Variants in LRP2 observed in about 807,000 individuals in gnomAD.
LRP2 encodes LDL receptor related protein 2.
Under a neutral mutation model 531.0 loss-of-function variants are expected in LRP2, and 172 were observed. That is an observed-to-expected ratio of 0.32 (90% CI 0.29 to 0.37). The LOEUF (loss-of-function observed/expected upper bound fraction) is 0.37, where lower values mean the gene tolerates loss of function less well. Ranked by LOEUF, LRP2 falls within the 10% of genes least tolerant of loss-of-function variation. LRP2 has a pLI of 1.00. For missense variants in LRP2, 5,167 were observed against 5,868.3 expected (o/e 0.88, Z 3.90); for synonymous variants, 1,992 against 2,027.6 (o/e 0.98, Z 0.47).
chr2:169,224,861 G>A (rs1574151869), intron 33 of LRP2, among the ~76,000 whole-genome samples: 4 of 152,078 alleles, frequency 2.6e-5, no homozygotes, highest in African/African-American at 7.2e-5. Flanking sequence ...AGGTCAAGGC[G>A]GGTGGATCAC....
intron 27 of LRP2, 34 bp from the exon 28 acceptor site, chr2:169,237,321 G>C: frequency 6.8e-7 from 1 of 1,472,444 alleles, no homozygotes; most frequent in Non-Finnish European, 9.5e-7. Context: ...GTGAATTCTA[G>C]AGCAAATAAA....
intron 1 of LRP2, 29 bp from the exon 2 acceptor site, chr2:169,320,913 C>A: frequency 6.8e-7 from 1 of 1,463,412 alleles, no homozygotes; most frequent in Non-Finnish European, 9.6e-7. Flanking sequence ...ATTTTAAAAA[C>A]TTATGCCATG....
chr2:169,201,705 C>T lies in LRP2; in HGVS notation c.8375G>A (p.Arg2792Lys). The T allele has an allele frequency of 1.2e-6, 2 of 1,614,178 alleles. No homozygotes were observed. The highest frequency in any genetic ancestry group is 8.5e-7 in the Non-Finnish European group (1 of 1,180,026). Residue 2792 changes from arginine to lysine, a missense_variant, in exon 44 of 79, where the codon AGG becomes AAG. Arg to Lys is a conservative substitution (Grantham distance 26). This residue lies in a region of LRP2 where 1,129 missense variants were observed against 1,362.7 expected (regional missense o/e 0.83). Coordinates refer to ENST00000649046, the MANE Select transcript of LRP2 (RefSeq NM_004525.3). ...ATTEFMCNNR[R>K]CIPREFICNG... ...GCAGATAAACTCACGAGGTATGCAC[C>T]TTCTGTTATTGCACATAAACTCCGT...
intron 48 of LRP2, among the ~76,000 whole-genome samples, chr2:169,188,787 T>C (rs1376789875): frequency 6.6e-6 from 1 of 152,182 alleles, no homozygotes; most frequent in Non-Finnish European, 1.5e-5. Context: ...GTGAGTGCTA[T>C]ATATTATAAA....
chr2:169,233,854 A>G (rs1274706434), intron 29 of LRP2, among the ~76,000 whole-genome samples: 2 of 152,216 alleles, frequency 1.3e-5, no homozygotes, highest in Admixed American at 6.5e-5. Context: ...TATTTTACAA[A>G]TGAAAACAAA....
At chr2:169,223,970 C>T (rs1270293220) in intron 33 of LRP2, among the ~76,000 whole-genome samples, 3 of 152,164 alleles carry the variant, frequency 2.0e-5, no homozygotes, top group African/African-American at 4.8e-5. Flanking sequence ...CACCTTTTCC[C>T]TATTTCTTCA....
chr2:169,145,956 G>C (rs756398180), intron 69 of LRP2, 33 bp from the exon 70 acceptor site: 7 of 1,609,924 alleles, frequency 4.3e-6, no homozygotes, highest in African/African-American at 1.3e-5. Context: ...CAAAACAGAA[G>C]GTTATTGAAA....
intron 46 of LRP2, among the ~76,000 whole-genome samples, chr2:169,194,870 C>A (rs549999952): frequency 5.0e-4 from 76 of 152,026 alleles, no homozygotes; most frequent in African/African-American, 1.8e-3. Flanking sequence ...TGCCACCGCG[C>A]CCGGCTAATT....
chr2:169,159,811 T>C (rs1228205909), intron 63 of LRP2, among the ~76,000 whole-genome samples: 1 of 152,178 alleles, frequency 6.6e-6, no homozygotes, highest in Admixed American at 6.5e-5. Flanking sequence ...ATCACTAGAC[T>C]TTGTAATTTC....
rs138572086 is a variant in LRP2, at chr2:169,291,009, A to G, written c.770-12T>C. The G allele has an allele frequency of 5.1e-5, 83 of 1,613,626 alleles. No homozygotes were observed. In the Middle Eastern group the frequency reaches 8.2e-4, roughly 16 times the overall value. On this transcript the variant is annotated splice_polypyrimidine_tract_variant and intron_variant, in intron 7 of 78. Transcript: ENST00000649046. ...ATGAGGACCGCTTTCTGTGGGGGGA[A>G]AAAGAGAGAGTTACAGGCCATAGGG...
intron 48 of LRP2, among the ~76,000 whole-genome samples, chr2:169,188,963 A>G (rs778578497): frequency 6.6e-6 from 1 of 152,206 alleles, no homozygotes. Flanking sequence ...TTAGCATGGC[A>G]TACTGGCAAA....
chr2:169,129,662 C>G (rs1425835002), intron 77 of LRP2, among the ~76,000 whole-genome samples: 1 of 151,980 alleles, frequency 6.6e-6, no homozygotes, highest in Non-Finnish European at 1.5e-5. Flanking sequence ...TTAACAAACC[C>G]CAGAGGTAGG....
intron 35 of LRP2, among the ~76,000 whole-genome samples, chr2:169,214,818 G>C (rs977691639): frequency 6.6e-6 from 1 of 152,178 alleles, no homozygotes; most frequent in Non-Finnish European, 1.5e-5. Flanking sequence ...ATGAAAGCAG[G>C]CTTCACCACT....
rs144594832 is a variant in LRP2, at chr2:169,202,788, C to G, written c.8177G>C (p.Gly2726Ala). The G allele has an allele frequency of 5.6e-5, 90 of 1,614,206 alleles. No individual in the cohort carries two copies. In the African/African-American group the frequency reaches 1.1e-3, roughly 21 times the overall value. The change falls in exon 43 of 79, where the codon GGG (glycine) becomes GCG (alanine). Residue 2726 changes from glycine to alanine, a missense_variant. This residue lies in a region of LRP2 where 1,129 missense variants were observed against 1,362.7 expected (regional missense o/e 0.83). Coordinates refer to ENST00000649046, the MANE Select transcript of LRP2 (RefSeq NM_004525.3). ...ACTTTCCATCTCATCACTGCCATCCCCACAGTCGTTGTCATTATCACACTT... is the reference window on the plus strand; with the variant it reads ...ACTTTCCATCTCATCACTGCCATCCGCACAGTCGTTGTCATTATCACACTT... ...EWKCDNDNDC[G>A]DGSDEMESVC...
intron 53 of LRP2, 123 bp from the exon 54 acceptor site, chr2:169,176,711 T>C: frequency 1.2e-6 from 1 of 858,636 alleles, no homozygotes; most frequent in Non-Finnish European, 1.9e-6. Context: ...CTATCCTAGA[T>C]TTATGATTTT....
chr2:169,210,054 C>T (rs1034687937), intron 37 of LRP2, among the ~76,000 whole-genome samples: 1 of 151,964 alleles, frequency 6.6e-6, no homozygotes, highest in Non-Finnish European at 1.5e-5. Flanking sequence ...AAAATTTGAG[C>T]CCATAATAAT....
intron 1 of LRP2, among the ~76,000 whole-genome samples, chr2:169,330,387 G>A (rs565630195): frequency 6.6e-6 from 1 of 152,288 alleles, no homozygotes; most frequent in Admixed American, 6.5e-5. Context: ...TCAATTCTGA[G>A]CAATGAGAGA....
chr2:169,147,940 TA>T (rs34880654), intron 68 of LRP2, among the ~76,000 whole-genome samples: 70,443 of 149,190 alleles, frequency 0.47, 16,889 homozygotes, highest in Admixed American at 0.6. Context: ...AGCACTATGT[TA>T]AAAAAAAAAA....
At chr2:169,308,420 T>C (rs984069427) in intron 3 of LRP2, among the ~76,000 whole-genome samples, 4 of 152,164 alleles carry the variant, frequency 2.6e-5, no homozygotes, top group African/African-American at 9.7e-5. Flanking sequence ...CCCCATCCTG[T>C]GTCCAGGTGC....
Sources: allele counts gnomAD v4.1 joint callset (sites outside exome capture counted in the v4.1 genomes callset), GRCh38; gene constraint gnomAD v4.1.1; regional missense constraint gnomAD v4.1.1; transcripts MANE v1.5; gene names NCBI Gene and HGNC (gene_info 2026-07-23, HGNC 2026-07-21).